CD34: variants seen among roughly 807,000 people sequenced by gnomAD.
The protein encoded by CD34 is CD34 molecule, also known as hematopoietic progenitor cell antigen CD34.
In CD34, 34 loss-of-function variants were observed where a neutral mutation model predicts 40.1. That is an observed-to-expected ratio of 0.85 (90% CI 0.65 to 1.13). The LOEUF (loss-of-function observed/expected upper bound fraction) is 1.13, where lower values mean the gene tolerates loss of function less well. Ranked by LOEUF, CD34 falls within the 50% of genes most tolerant of loss-of-function variation. The pLI is 0.00. For synonymous variants in CD34, 209 were observed against 190.0 expected (o/e 1.10, Z -0.82); for missense variants, 426 against 466.9 (o/e 0.91, Z 0.81).
chr1:207,890,206 T>C (rs1480021946), intron 4 of CD34: 1 of 1,006,546 alleles, frequency 9.9e-7, no homozygotes, highest in Non-Finnish European at 1.2e-6. Flanking sequence ...CCAGTTTTAA[T>C]GAAGTTCATA....
At position 207,887,836 on chromosome 1, in the gene CD34, T is replaced by A; in HGVS notation, c.1060A>T (p.Ser354Cys). 6.2e-7 allele frequency: 1 copy of A among 1,614,214 alleles called. No individual in the cohort carries two copies. Among genetic ancestry groups the A allele is most frequent in the Non-Finnish European group, 8.5e-7 (1 of 1,180,030 alleles). The change falls in exon 8 of 8, where the codon AGT becomes TGT. Residue 354 changes from serine (S) to cysteine (C), a missense_variant. By Grantham distance (112) the Ser-to-Cys change is moderately radical. Coordinates refer to ENST00000310833, the MANE Select transcript of CD34 (RefSeq NM_001025109.2). ...GTSPEAQGKA[S>C]VNRGAQENGT... ...TTTTCCTGAGCCCCTCGGTTCACAC[T>A]GGCCTTTCCCTGAGCCTCAGGGGAG... is the stretch of plus-strand genomic sequence containing the variant.
chr1:207,901,467 A>G (rs1002894734), intron 1 of CD34, among the ~76,000 whole-genome samples: 1 of 152,236 alleles, frequency 6.6e-6, no homozygotes, highest in African/African-American at 2.4e-5. Context: ...GTTAGTGCTT[A>G]GTGCTTAAGC....
intron 1 of CD34, among the ~76,000 whole-genome samples, chr1:207,908,969 G>T (rs1352339743): frequency 5.3e-5 from 8 of 152,178 alleles, no homozygotes; most frequent in Admixed American, 5.2e-4. Context: ...CCCTATGGTA[G>T]CATTTCAAGG....
chr1:207,889,249 G>C, intron 5 of CD34, 36 bp from the exon 6 acceptor site: 2 of 1,613,954 alleles, frequency 1.2e-6, no homozygotes, highest in Non-Finnish European at 1.7e-6. Flanking sequence ...AATCTAAAGA[G>C]AAACCAGCTT....
rs1295444961 is a variant in CD34 at position 207,886,887 on chromosome 1, G to C, written c.*851C>G. ...CGGCAGGAGGGAGGAGGAAGCCATGGAGATCAGAGGATAAGGCTAGGATCC... is the reference window on the plus strand; with the variant it reads ...CGGCAGGAGGGAGGAGGAAGCCATGCAGATCAGAGGATAAGGCTAGGATCC... On this transcript the variant is annotated 3_prime_UTR_variant, in exon 8 of 8. Transcript: ENST00000310833. The C allele has an allele frequency of 6.6e-6, 1 of 152,666 alleles. No individual in the cohort carries two copies. Among genetic ancestry groups the C allele is most frequent in the Non-Finnish European group, 1.5e-5 (1 of 68,376 alleles). The allele number at this position is 152,666 out of a possible 1,614,324, so 9.5% of individuals were successfully genotyped here.
chr1:207,899,611 T>A (rs1222336546), intron 2 of CD34, among the ~76,000 whole-genome samples: 1 of 152,084 alleles, frequency 6.6e-6, no homozygotes, highest in Non-Finnish European at 1.5e-5. Context: ...CAGGATCAGC[T>A]CCCAAGACAT....
rs1661920737 is a variant in CD34 at position 207,887,274 on chromosome 1, T to G, written c.*464A>C. 1 of 163,110 alleles carries G rather than the reference T, an allele frequency of 6.1e-6. No individual in the cohort carries two copies. Among genetic ancestry groups the G allele is most frequent in the Non-Finnish European group, 1.3e-5 (1 of 74,492 alleles). 10.1% of individuals were successfully genotyped at this position (163,110 alleles called of 1,614,324 possible). On this transcript the variant is annotated 3_prime_UTR_variant, in exon 8 of 8. Coordinates refer to ENST00000310833, the MANE Select transcript of CD34 (RefSeq NM_001025109.2). ...GGCTATATCATTACAAGAGAGCAGG[T>G]GCAAAAGGTTACTTTGGTTTCCTCA...
At chr1:207,901,853 C>A (rs1036355729) in intron 1 of CD34, among the ~76,000 whole-genome samples, 1 of 152,108 alleles carries the variant, frequency 6.6e-6, no homozygotes, top group Non-Finnish European at 1.5e-5. Flanking sequence ...CAAGGAAGAG[C>A]CTCTGAGGGT....
chr1:207,902,776 G>A (rs551623898), intron 1 of CD34, among the ~76,000 whole-genome samples: 1 of 152,290 alleles, frequency 6.6e-6, no homozygotes, highest in Admixed American at 6.5e-5. Flanking sequence ...GATGTGGAGT[G>A]AGACCTGCTG....
In CD34 at chr1:207,897,582, AAACAAAAACAAT is replaced by A. The variant is rs1662175842; in HGVS notation, c.517-21_517-10del. ...GAACATTTGATTTCTGCCTGTATTA[AAACAAAAACAAT>A]AACAAAAACAAAGTAAATAAGCCAG... On this transcript the variant is annotated splice_polypyrimidine_tract_variant and intron_variant, in intron 3 of 7. Transcript: ENST00000310833. 2.6e-6 allele frequency: 4 copies of A among 1,543,408 alleles called. No homozygotes were observed. Among genetic ancestry groups the A allele is most frequent in the South Asian group, 1.2e-5 (1 of 83,924 alleles).
At chr1:207,892,641 A>G (rs1973916) in intron 4 of CD34, among the ~76,000 whole-genome samples, 76,001 of 151,628 alleles carry the variant, frequency 0.5, 19,392 homozygotes, top group African/African-American at 0.58. Flanking sequence ...CTAGATAAAT[A>G]GCAGCTGCTA....
chr1:207,902,683 CCTGA>C (rs1278614888), intron 1 of CD34, among the ~76,000 whole-genome samples: 1 of 152,328 alleles, frequency 6.6e-6, no homozygotes, highest in African/African-American at 2.4e-5. Context: ...GGAAGCTGGG[CCTGA>C]CTGAGATGAT....
intron 4 of CD34, 163 bp from the exon 5 acceptor site, chr1:207,889,784 T>G (rs1279904215): frequency 3.2e-6 from 5 of 1,579,482 alleles, no homozygotes; most frequent in Non-Finnish European, 4.3e-6. Flanking sequence ...ACTGTATATG[T>G]GCAACAACAC....
chr1:207,889,029 C>T (rs1661971364), intron 6 of CD34, 132 bp downstream of exon 6: 2 of 880,564 alleles, frequency 2.3e-6, no homozygotes, highest in African/African-American at 1.7e-5. Context: ...ATTTTTGGTT[C>T]AAGACTAGAA....
intron 6 of CD34, 44 bp downstream of exon 6, chr1:207,889,116 CT>C (rs1661973253): frequency 1.7e-6 from 2 of 1,211,968 alleles, no homozygotes; most frequent in Admixed American, 1.7e-5. Context: ...GGGAGCCCCC[CT>C]GCCCCGGCAT....
Position 207,899,875 on chromosome 1 carries a change from T to C in CD34, c.208A>G (p.Thr70Ala). The C allele has an allele frequency of 6.2e-7, 1 of 1,614,046 alleles. No homozygotes were observed. Among genetic ancestry groups the C allele is most frequent in the Non-Finnish European group, 8.5e-7 (1 of 1,179,936 alleles). The change falls in exon 2 of 8, where the codon ACC (threonine) becomes GCC (alanine). Residue 70 changes from threonine (T) to alanine (A), a missense_variant. Physicochemically the swap from Thr to Ala is moderately conservative, Grantham distance 58. Transcript: ENST00000310833. ...ETTTPSTLGS[T>A]SLHPVSQHGN... ...TGTTGAGACACAGGGTGCAGGCTGG[T>C]ACTTCCAAGGGTACTAGGTGTTGTA...
chr1:207,889,111 C>T (rs1277378557), intron 6 of CD34, 50 bp downstream of exon 6: 3 of 1,136,432 alleles, frequency 2.6e-6, no homozygotes, highest in Middle Eastern at 1.9e-4. Context: ...CTCCAGGGAG[C>T]CCCCCTGCCC....
At chr1:207,902,351 TC>T (rs1241413239) in intron 1 of CD34, among the ~76,000 whole-genome samples, 2 of 152,142 alleles carry the variant, frequency 1.3e-5, no homozygotes, top group Non-Finnish European at 2.9e-5. Flanking sequence ...CGGAATTTAT[TC>T]CCCACATCTC....
rs890191665 is a variant in CD34 at position 207,882,465 on chromosome 1, G to T, written c.*5273C>A. The T allele has an allele frequency of 3.3e-5, 5 of 152,160 alleles. No individual in the cohort carries two copies. Among genetic ancestry groups the T allele is most frequent in the Non-Finnish European group, 7.3e-5 (5 of 68,036 alleles). 9.4% of individuals were successfully genotyped at this position (152,160 alleles called of 1,614,324 possible). ...CAATTAAAATCACTGGTAATACCAA[G>T]AACCAGGAAAATCTCAATTTGATTG... On this transcript the variant is annotated 3_prime_UTR_variant, in exon 8 of 8. Transcript: ENST00000310833.
Sources: allele counts gnomAD v4.1 joint callset (sites outside exome capture counted in the v4.1 genomes callset), GRCh38; gene constraint gnomAD v4.1.1; transcripts MANE v1.5; gene names NCBI Gene and HGNC (gene_info 2026-07-23, HGNC 2026-07-21).